Variants in STOX2 observed in about 807,000 individuals in gnomAD.
STOX2 encodes storkhead box 2.
In STOX2, 28 loss-of-function variants were observed where a neutral mutation model predicts 60.9. The ratio of observed to expected loss-of-function variants is 0.46; its 90% CI spans 0.34 to 0.63. The LOEUF (loss-of-function observed/expected upper bound fraction) is 0.63. STOX2 is among the 30% of genes least tolerant of loss of function. The probability of loss-of-function intolerance (pLI) is 0.01; values close to 1 mark genes in which losing one functional copy is unlikely to be tolerated. For missense variants in STOX2, 1,024 were observed against 1,187.7 expected (o/e 0.86, Z 2.03); for synonymous variants, 472 against 463.9 (o/e 1.02, Z -0.22).
rs561102528 is a variant in STOX2 at position 183,852,438 on chromosome 4, AGG to A, written c.364+54385_364+54386del. On this transcript the variant is annotated intron_variant, in intron 1 of 2. Coordinates refer to the STOX2 transcript ENST00000513034. The stretch of plus-strand genomic sequence containing the variant: ...GAGGGAAAGGATGAGAGAAAGGATG[AGG>A]GAAAGGTTGAGAGAAACGATGAGGG... Among the ~76,000 whole-genome samples the A allele has an allele frequency of 1.7e-3, 77 of 46,356 alleles. 5 individuals are homozygous for A. The highest frequency in any genetic ancestry group is 4.3e-3 in the South Asian group (4 of 920). The allele number at this position is 46,356 out of a possible 152,430, so 30.4% of individuals were successfully genotyped here. A position where few individuals can be genotyped will look rare whatever the true frequency, so the allele number is the denominator to read the frequency against.
chr4:183,976,635 C>T (rs2111182734), intron 1 of STOX2, among the ~76,000 whole-genome samples: 1 of 152,276 alleles, frequency 6.6e-6, no homozygotes, highest in South Asian at 2.1e-4. Flanking sequence ...GACAGGATCA[C>T]TCATACCCCA....
intron 1 of STOX2, among the ~76,000 whole-genome samples, chr4:183,927,698 T>G (rs1742284857): frequency 6.6e-6 from 1 of 152,156 alleles, no homozygotes; most frequent in South Asian, 2.1e-4. Flanking sequence ...TGCCAACTGA[T>G]GTTTTTGATA....
chr4:183,852,272 A>AAAGGATGAGG (rs1740164749), intron 1 of STOX2, among the ~76,000 whole-genome samples: 3 of 24,746 alleles, frequency 1.2e-4, no homozygotes, highest in Non-Finnish European at 2.5e-4. Flanking sequence ...AAAGGATGAG[A>AAAGGATGAGG]GAAACGATGA....
chr4:183,884,813 T>G (rs1432876561), intron 1 of STOX2, among the ~76,000 whole-genome samples: 1 of 152,154 alleles, frequency 6.6e-6, no homozygotes, highest in Non-Finnish European at 1.5e-5. Context: ...CCAGATTGTC[T>G]GCCTTAGAGA....
At chr4:183,918,116 G>A (rs930572226) in intron 1 of STOX2, among the ~76,000 whole-genome samples, 3 of 152,160 alleles carry the variant, frequency 2.0e-5, no homozygotes, top group African/African-American at 7.2e-5. Context: ...GAGAGCCAGC[G>A]GGCAACTTGT....
intron 1 of STOX2, chr4:183,798,902 GA>G (rs752884379): frequency 0.58 from 442,549 of 768,358 alleles, 132,231 homozygotes; most frequent in Admixed American, 0.62. Flanking sequence ...TTTATACTTT[GA>G]GTTTTTGTAC....
chr4:183,959,099 T>C (rs1743340767), intron 1 of STOX2, among the ~76,000 whole-genome samples: 2 of 152,108 alleles, frequency 1.3e-5, no homozygotes, highest in Admixed American at 1.3e-4. Flanking sequence ...TCTCATTTCA[T>C]TGAAATTAGT....
chr4:183,968,899 T>C (rs1422592906), intron 1 of STOX2, among the ~76,000 whole-genome samples: 1 of 152,256 alleles, frequency 6.6e-6, no homozygotes, highest in Non-Finnish European at 1.5e-5. Context: ...TTTTCTTTTT[T>C]GCCCTGGCAC....
chr4:183,901,678 A>G (rs1251507536), upstream of STOX2, among the ~76,000 whole-genome samples: 1 of 151,278 alleles, frequency 6.6e-6, no homozygotes, highest in Non-Finnish European at 1.5e-5. Context: ...CATTTCTCTA[A>G]TGATTACTGA....
chr4:183,985,962 C>T (rs756446898), intron 1 of STOX2, among the ~76,000 whole-genome samples: 6 of 152,118 alleles, frequency 3.9e-5, no homozygotes, highest in Non-Finnish European at 7.3e-5. Context: ...ACAACACAGC[C>T]AGACTTAAAG....
chr4:183,811,528 C>G (rs899380849), intron 1 of STOX2, among the ~76,000 whole-genome samples: 1 of 152,210 alleles, frequency 6.6e-6, no homozygotes, highest in African/African-American at 2.4e-5. Context: ...CTTCCATCTC[C>G]TTCATGTGGA....
chr4:183,855,522 G>A (rs557249418), intron 1 of STOX2, among the ~76,000 whole-genome samples: 26 of 152,154 alleles, frequency 1.7e-4, no homozygotes, highest in Non-Finnish European at 3.2e-4. Flanking sequence ...TATGACAAGG[G>A]TAACTTGGAA....
intron 1 of STOX2, among the ~76,000 whole-genome samples, chr4:183,919,495 G>A (rs1356643146): frequency 2.0e-5 from 3 of 152,196 alleles, no homozygotes; most frequent in Admixed American, 6.5e-5. Context: ...CACAGTCTGA[G>A]AGCATGCTTC....
chr4:183,874,923 C>CAA lies in STOX2; in HGVS notation c.364+76897_364+76898dup, dbSNP rs869044658. 6.9e-3 allele frequency among the ~76,000 whole-genome samples: 143 copies of CAA among 20,624 alleles called. 30 individuals are homozygous for CAA. Among genetic ancestry groups the CAA allele is most frequent in the Admixed American group, 8.8e-3 (8 of 912 alleles). The allele number at this position is 20,624 out of a possible 152,430, so 13.5% of individuals were successfully genotyped here. ...CCTGGGCGATGGCGAGACTCCGCCT[C>CAA]AAAAAAAAAAAAAAAAAAAAAAAAA... On this transcript the variant is annotated intron_variant, in intron 1 of 2. Coordinates refer to the STOX2 transcript ENST00000513034.
chr4:183,881,368 G>T (rs76700188), intron 1 of STOX2, among the ~76,000 whole-genome samples: 2 of 152,210 alleles, frequency 1.3e-5, no homozygotes, highest in Admixed American at 1.3e-4. Context: ...GTTAGGTGTG[G>T]TGGTGCGCCT....
intron 1 of STOX2, among the ~76,000 whole-genome samples, chr4:183,964,286 T>A (rs115502428): frequency 0.022 from 3,306 of 152,334 alleles, 113 homozygotes; most frequent in African/African-American, 0.075. Flanking sequence ...GATTTTCAGA[T>A]CTTTGTGACC....
chr4:183,828,863 C>T (rs996143630), intron 1 of STOX2, among the ~76,000 whole-genome samples: 7 of 152,194 alleles, frequency 4.6e-5, no homozygotes, highest in Non-Finnish European at 7.3e-5. Flanking sequence ...ACCAAGATCA[C>T]ACTTTAAAAC....
intron 1 of STOX2, among the ~76,000 whole-genome samples, chr4:183,866,957 A>G (rs568399836): frequency 6.4e-4 from 98 of 152,332 alleles, no homozygotes; most frequent in Admixed American, 1.5e-3. Context: ...AGTTGAAGCA[A>G]TTTACCCTCA....
Position 183,856,817 on chromosome 4 carries a change from C to T in STOX2, c.364+58762C>T, listed in dbSNP as rs1049352819. Reference sequence around the variant, plus strand: ...ACTGCATATATATTAATGTGTGTAGCTTTATTTTTTTTGACACTTACCCTA... The same window carrying T: ...ACTGCATATATATTAATGTGTGTAGTTTTATTTTTTTTGACACTTACCCTA... On this transcript the variant is annotated intron_variant, in intron 1 of 2. Transcript: ENST00000513034. This position sits in a 1 kb window ranked among gnomAD's most constrained non-coding sequence, Gnocchi z 4.0. Among the ~76,000 whole-genome samples the T allele has an allele frequency of 2.5e-4, 38 of 152,160 alleles. No homozygotes were observed. The highest frequency in any genetic ancestry group is 8.2e-4 in the African/African-American group (34 of 41,422).
Sources: gnomAD v4.1 joint callset for allele counts (sites outside exome capture counted in the v4.1 genomes callset) on GRCh38, gnomAD v4.1.1 for gene constraint, Gnocchi (gnomAD v3.1) non-coding constraint, MANE v1.5 for transcripts, NCBI Gene and HGNC (gene_info 2026-07-23, HGNC 2026-07-21) for gene names.